Variants in TENM2 observed in about 807,000 individuals in gnomAD.
TENM2 encodes the protein teneurin transmembrane protein 2, also known as teneurin-2.
In TENM2, 52 loss-of-function variants were observed where a neutral mutation model predicts 245.2. That is an observed-to-expected ratio of 0.21 (90% CI 0.17 to 0.27). The LOEUF (loss-of-function observed/expected upper bound fraction) is 0.27, where lower values mean the gene tolerates loss of function less well. TENM2 is among the 10% of genes least tolerant of loss of function. The pLI is 1.00. For missense variants in TENM2, 3,046 were observed against 3,666.8 expected, an observed-to-expected ratio of 0.83 and a Z score of 4.37; for synonymous variants, 1,363 against 1,438.9, an observed-to-expected ratio of 0.95 and a Z score of 1.19.
At chr5:167,868,913 C>T (rs1364972913) in intron 2 of TENM2, among the ~76,000 whole-genome samples, 1 of 152,098 alleles carries the variant, frequency 6.6e-6, no homozygotes, top group East Asian at 1.9e-4. Context: ...CATCTGGGTC[C>T]CTTGTCCCTA....
intron 3 of TENM2, among the ~76,000 whole-genome samples, chr5:167,937,355 G>A (rs567533492): frequency 1.3e-5 from 2 of 152,270 alleles, no homozygotes; most frequent in East Asian, 3.9e-4. Context: ...ATTTTGGGTT[G>A]AACATTAAGT....
chr5:166,987,128 G>A, the TENM2 span, among the ~76,000 whole-genome samples: 2 of 152,074 alleles, frequency 1.3e-5, no homozygotes, highest in Non-Finnish European at 1.5e-5. Context: ...CTTTTTATAT[G>A]ATTTGTGTAT....
the TENM2 span, among the ~76,000 whole-genome samples, chr5:167,182,695 A>G: frequency 6.6e-6 from 1 of 152,138 alleles, no homozygotes; most frequent in African/African-American, 2.4e-5. Context: ...ATGGAAATGA[A>G]GAAAATTTCC....
the TENM2 span, among the ~76,000 whole-genome samples, chr5:167,124,311 C>G: frequency 2.0e-5 from 3 of 152,176 alleles, no homozygotes; most frequent in Non-Finnish European, 4.4e-5. Flanking sequence ...GTCCATCTTC[C>G]TAATATTAAA....
intron 2 of TENM2, among the ~76,000 whole-genome samples, chr5:167,651,373 ATTTC>A (rs894280088): frequency 2.0e-5 from 3 of 151,382 alleles, no homozygotes; most frequent in Non-Finnish European, 2.9e-5. Context: ...TGTGCAAGGT[ATTTC>A]TTATTTGGAG....
rs906609322 is a variant in TENM2 at position 167,420,866 on chromosome 5, G to A, written c.502+45393G>A. On this transcript the variant is annotated intron_variant, in intron 2 of 28. Transcript: ENST00000518659. Reference sequence around the variant, plus strand: ...TGCTTACTAATATACCTAGAACTAAGCCTGATATGTTGCACACACTCAAAA... The same window carrying A: ...TGCTTACTAATATACCTAGAACTAAACCTGATATGTTGCACACACTCAAAA... Among the ~76,000 whole-genome samples the A allele has an allele frequency of 4.7e-4, 72 of 152,134 alleles. 3 individuals are homozygous for A. The highest frequency in any genetic ancestry group is 1.0e-4 in the Non-Finnish European group (7 of 68,028).
intron 2 of TENM2, among the ~76,000 whole-genome samples, chr5:167,848,364 G>A (rs1471337792): frequency 6.6e-6 from 1 of 152,070 alleles, no homozygotes; most frequent in Non-Finnish European, 1.5e-5. Context: ...GTGGTAAAGT[G>A]GAGAGTGCAT....
At chr5:167,754,304 A>G (rs181954984) in intron 2 of TENM2, among the ~76,000 whole-genome samples, 1 of 152,310 alleles carries the variant, frequency 6.6e-6, no homozygotes, top group East Asian at 1.9e-4. Flanking sequence ...ATCCCTTTCA[A>G]ACTTGATCAG....
intron 7 of TENM2, among the ~76,000 whole-genome samples, chr5:168,068,891 T>A (rs1348125413): frequency 3.9e-5 from 6 of 152,138 alleles, no homozygotes; most frequent in African/African-American, 1.2e-4. Flanking sequence ...TCTGTAACAA[T>A]GTTGAGTCTA....
At chr5:167,623,961 C>T (rs951024389) in intron 2 of TENM2, among the ~76,000 whole-genome samples, 24 of 152,092 alleles carry the variant, frequency 1.6e-4, no homozygotes, top group South Asian at 4.1e-4. Flanking sequence ...AACTCTTATA[C>T]GCTGTTGGTG....
the TENM2 span, among the ~76,000 whole-genome samples, chr5:167,108,905 C>T: frequency 6.6e-6 from 1 of 152,132 alleles, no homozygotes; most frequent in East Asian, 1.9e-4. Context: ...ATCTGAAAGG[C>T]ACATGCTTTC....
chr5:167,059,141 T>C, the TENM2 span, among the ~76,000 whole-genome samples: 1 of 152,126 alleles, frequency 6.6e-6, no homozygotes. Flanking sequence ...AGCATATGAA[T>C]CAGAAAAGGT....
intron 13 of TENM2, among the ~76,000 whole-genome samples, chr5:168,190,039 G>A (rs1455466934): frequency 3.9e-5 from 6 of 152,152 alleles, no homozygotes; most frequent in Admixed American, 2.6e-4. Context: ...CAAATAATAC[G>A]TGTTCATAGT....
At chr5:167,528,302 G>T (rs908547917) in intron 2 of TENM2, among the ~76,000 whole-genome samples, 2 of 152,086 alleles carry the variant, frequency 1.3e-5, no homozygotes, top group Non-Finnish European at 2.9e-5. Flanking sequence ...TTGGGCTAGG[G>T]ATGTGCAATA....
intron 2 of TENM2, among the ~76,000 whole-genome samples, chr5:167,620,724 C>A (rs553071754): frequency 6.6e-6 from 1 of 152,060 alleles, no homozygotes; most frequent in South Asian, 2.1e-4. Context: ...TCCAGAGAAG[C>A]AATCTTGGGA....
intron 3 of TENM2, among the ~76,000 whole-genome samples, chr5:167,916,258 TG>T (rs1776927070): frequency 6.6e-6 from 1 of 152,174 alleles, no homozygotes; most frequent in African/African-American, 2.4e-5. Context: ...CTTTCTATCC[TG>T]GATGTCCAGT....
intron 9 of TENM2, among the ~76,000 whole-genome samples, chr5:168,113,392 A>C (rs906598230): frequency 2.6e-5 from 4 of 152,176 alleles, no homozygotes; most frequent in African/African-American, 9.7e-5. Flanking sequence ...TTTTAAATAC[A>C]TTATTTGAAA....
At chr5:168,230,844 G>GCTATAATAC (rs1264133343) in intron 25 of TENM2, 1 of 152,224 alleles carries the variant, frequency 6.6e-6, no homozygotes, top group Admixed American at 6.5e-5. Context: ...TGTGATGTAA[G>GCTATAATAC]CTATAATACA....
At chr5:167,151,568 G>T in the TENM2 span, among the ~76,000 whole-genome samples, 2 of 152,020 alleles carry the variant, frequency 1.3e-5, no homozygotes, top group Non-Finnish European at 2.9e-5. Context: ...CACCAGGCTG[G>T]AGTGCAGTGG....
Sources: allele counts gnomAD v4.1 joint callset (sites outside exome capture counted in the v4.1 genomes callset), GRCh38; gene constraint gnomAD v4.1.1; transcripts MANE v1.5; gene names NCBI Gene and HGNC (gene_info 2026-07-23, HGNC 2026-07-21).